The following ZGRF1 variants were observed in gnomAD, a reference collection of about 807,000 sequenced individuals.
ZGRF1 encodes 5'-3' DNA helicase ZGRF1.
Under a neutral mutation model 203.5 loss-of-function variants are expected in ZGRF1, and 196 were observed. That is an observed-to-expected ratio of 0.96 (90% CI 0.86 to 1.08). The LOEUF (loss-of-function observed/expected upper bound fraction) is 1.08. ZGRF1 is among the 50% of genes least tolerant of loss of function. ZGRF1 has a pLI of 0.00. For missense variants in ZGRF1, 2,326 were observed against 2,416.3 expected (o/e 0.96, Z 0.78); for synonymous variants, 809 against 841.3 (o/e 0.96, Z 0.66).
chr4:112,552,509 C>T (rs922430156), intron 22 of ZGRF1, among the ~76,000 whole-genome samples: 1 of 151,970 alleles, frequency 6.6e-6, no homozygotes. Flanking sequence ...ATCATTGTTA[C>T]GTTGGGTGAG....
At chr4:112,600,707 A>T (rs1262329437) in intron 10 of ZGRF1, among the ~76,000 whole-genome samples, 1 of 152,132 alleles carries the variant, frequency 6.6e-6, no homozygotes, top group East Asian at 1.9e-4. Context: ...GAATGTGTGT[A>T]GACTTGCTGG....
At chr4:112,571,466 A>G (rs1012207024) in intron 16 of ZGRF1, among the ~76,000 whole-genome samples, 1 of 152,218 alleles carries the variant, frequency 6.6e-6, no homozygotes, top group South Asian at 2.1e-4. Flanking sequence ...AAACTTCTAC[A>G]GGGAAATTTG....
chr4:112,554,968 T>C lies in ZGRF1; in HGVS notation c.5121-186A>G, dbSNP rs888642311. On this transcript the variant is annotated intron_variant, in intron 20 of 27. Transcript: ENST00000505019. The stretch of plus-strand genomic sequence containing the variant: ...GGTTTTTTAAATATAATGCATTTTC[T>C]AGAGAATTTTAAAATACGCATTATT... Among the ~76,000 whole-genome samples the C allele has an allele frequency of 7.2e-5, 11 of 152,226 alleles. 1 individual carries two copies. Among genetic ancestry groups the C allele is most frequent in the Non-Finnish European group, 1.3e-4 (9 of 68,048 alleles).
At chr4:112,567,461 G>A (rs1453608697) in intron 16 of ZGRF1, among the ~76,000 whole-genome samples, 1 of 152,162 alleles carries the variant, frequency 6.6e-6, no homozygotes, top group Non-Finnish European at 1.5e-5. Flanking sequence ...AAGAGGTAAA[G>A]GAAGATGGTA....
chr4:112,632,570 C>T (rs1197818987), intron 2 of ZGRF1, among the ~76,000 whole-genome samples: 1 of 152,212 alleles, frequency 6.6e-6, no homozygotes, highest in East Asian at 1.9e-4. Context: ...TTGTAAGATT[C>T]AATTGCAATC....
intron 13 of ZGRF1, 96 bp downstream of exon 13, chr4:112,586,349 A>T: frequency 2.4e-6 from 2 of 847,622 alleles, no homozygotes; most frequent in Non-Finnish European, 3.3e-6. Flanking sequence ...TAAGGTATTT[A>T]GTATGAAAAT....
At chr4:112,565,430 CAAA>C (rs35098422) in intron 16 of ZGRF1, 661 of 513,810 alleles carry the variant, frequency 1.3e-3, no homozygotes, top group Middle Eastern at 1.6e-3. Flanking sequence ...ATTTCATTCT[CAAA>C]AAAAAAAAAA....
intron 10 of ZGRF1, among the ~76,000 whole-genome samples, chr4:112,590,622 AT>A (rs1264028589): frequency 6.6e-6 from 1 of 151,950 alleles, no homozygotes; most frequent in African/African-American, 2.4e-5. Context: ...GTGACTGTAT[AT>A]TTTCCTTAAT....
intron 7 of ZGRF1, among the ~76,000 whole-genome samples, chr4:112,610,215 G>A (rs925682900): frequency 9.2e-5 from 14 of 152,076 alleles, no homozygotes; most frequent in Non-Finnish European, 1.8e-4. Context: ...AGCTTACAAC[G>A]GTACTAGTAA....
intron 7 of ZGRF1, among the ~76,000 whole-genome samples, chr4:112,609,782 G>A (rs1751312080): frequency 6.7e-6 from 1 of 148,748 alleles, no homozygotes. Flanking sequence ...TGGGCGACAA[G>A]AGCAAGACTC....
rs993509061 is a variant in ZGRF1 at position 112,619,436 on chromosome 4, A to G, written c.606T>C (p.Ile202=). Residue 202 remains isoleucine (I), a synonymous_variant, in exon 6 of 28, where the codon ATT becomes ATC. Transcript: ENST00000505019. ...FSSVFSPSFQ[I]NPEVLCEENY... is the part of the protein sequence containing the mutation. Reference sequence around the variant, plus strand: ...TTTCTTCACACAGCACTTCTGGGTTAATCTGGAAGGATGGAGAAAAAACCG... The same window carrying G: ...TTTCTTCACACAGCACTTCTGGGTTGATCTGGAAGGATGGAGAAAAAACCG... 1 of 1,612,354 alleles carries G rather than the reference A, an allele frequency of 6.2e-7. No homozygotes were observed. Among genetic ancestry groups the G allele is most frequent in the African/African-American group, 1.3e-5 (1 of 74,820 alleles).
chr4:112,563,190 A>G lies in ZGRF1; in HGVS notation c.4523T>C (p.Ile1508Thr), dbSNP rs1216889316. The G allele has an allele frequency of 6.4e-7, 1 of 1,550,996 alleles. No individual in the cohort carries two copies. Among genetic ancestry groups the G allele is most frequent in the African/African-American group, 1.4e-5 (1 of 73,046 alleles). Residue 1508 changes from isoleucine to threonine, a missense_variant, in exon 17 of 28, where the codon ATC becomes ACC. Coordinates refer to ENST00000505019, the MANE Select transcript of ZGRF1 (RefSeq NM_018392.5). ...ACSAFFGPSSINEIEILPLKG... is the reference protein window; with the variant it reads ...ACSAFFGPSSTNEIEILPLKG... ...CAAAGGCAGTATTTCTATCTCATTG[A>G]TAGATGATGGTCCAAAGAAAGCACT...
At chr4:112,583,545 C>T (rs1023110737) in intron 15 of ZGRF1, among the ~76,000 whole-genome samples, 3 of 152,174 alleles carry the variant, frequency 2.0e-5, no homozygotes, top group African/African-American at 7.2e-5. Context: ...ATAGCTCACA[C>T]CTCTAATTCC....
rs867982337 is a variant in ZGRF1 at position 112,616,355 on chromosome 4, A to G, written c.2602+1085T>C. Among the ~76,000 whole-genome samples the G allele has an allele frequency of 3.6e-4, 34 of 95,384 alleles. 1 individual carries two copies. Among genetic ancestry groups the G allele is most frequent in the Admixed American group, 2.7e-3 (20 of 7,440 alleles). 62.6% of individuals were successfully genotyped at this position (95,384 alleles called of 152,430 possible). On this transcript the variant is annotated intron_variant, in intron 6 of 27. Transcript: ENST00000505019. ...GCCAACATGGTGAAACCCCATCTCT[A>G]CTAAAAATACAAAAAAAAAATTAGC...
intron 8 of ZGRF1, among the ~76,000 whole-genome samples, chr4:112,608,535 G>T (rs1751102741): frequency 6.6e-6 from 1 of 152,104 alleles, no homozygotes; most frequent in African/African-American, 2.4e-5. Context: ...GAAGAGAATT[G>T]CTTGAACCCA....
At chr4:112,561,790 AAAAT>A (rs1742026158) in intron 18 of ZGRF1, among the ~76,000 whole-genome samples, 1 of 152,200 alleles carries the variant, frequency 6.6e-6, no homozygotes, top group Non-Finnish European at 1.5e-5. Context: ...CAGATAATAA[AAAAT>A]AAAATCAATA....
chr4:112,558,075 CAG>C, intron 20 of ZGRF1, 73 bp downstream of exon 20: 11 of 1,201,320 alleles, frequency 9.2e-6, no homozygotes, highest in Non-Finnish European at 1.3e-5. Context: ...CATGGACACT[CAG>C]GGCCCATAGT....
chr4:112,546,990 TGA>T (rs1738917955), intron 24 of ZGRF1: 8 of 203,678 alleles, frequency 3.9e-5, no homozygotes, highest in Non-Finnish European at 7.8e-5. Flanking sequence ...ATTTACAATG[TGA>T]AGTAGTGCTC....
chr4:112,614,304 C>T (rs1025438738), intron 6 of ZGRF1, among the ~76,000 whole-genome samples: 1 of 152,166 alleles, frequency 6.6e-6, no homozygotes, highest in African/African-American at 2.4e-5. Flanking sequence ...ATGGATTCTG[C>T]CTACTCCCTA....
Sources: gnomAD v4.1 joint callset for allele counts (sites outside exome capture counted in the v4.1 genomes callset) on GRCh38, gnomAD v4.1.1 for gene constraint, MANE v1.5 for transcripts, NCBI Gene and HGNC (gene_info 2026-07-23, HGNC 2026-07-21) for gene names.